PDGFRL: variants seen among roughly 807,000 people sequenced by gnomAD.
PDGFRL encodes platelet derived growth factor receptor like.
PDGFRL carries 46 observed loss-of-function variants against 37.2 expected under a neutral mutation model. That is an observed-to-expected ratio of 1.24 (90% CI 0.98 to 1.58). PDGFRL has a LOEUF of 1.58. Among genes scored for constraint, PDGFRL ranks in the 40% most tolerant of loss-of-function variants. The pLI is 0.00. For missense variants in PDGFRL, 692 were observed against 467.6 expected (o/e 1.48, Z -4.43); for synonymous variants, 251 against 184.3 (o/e 1.36, Z -2.93).
At chr8:17,637,150 G>T (rs1375093811) in intron 5 of PDGFRL, among the ~76,000 whole-genome samples, 1 of 152,172 alleles carries the variant, frequency 6.6e-6, no homozygotes, top group East Asian at 1.9e-4. Flanking sequence ...CCAGTACTAT[G>T]TTGAATGCAA....
At chr8:17,610,043 T>G (rs910568191) in intron 2 of PDGFRL, among the ~76,000 whole-genome samples, 11 of 152,224 alleles carry the variant, frequency 7.2e-5, no homozygotes, top group Non-Finnish European at 1.6e-4. Context: ...GCCCCATGGC[T>G]GTTGCATTCA....
chr8:17,610,508 C>G (rs1294584133), intron 2 of PDGFRL, among the ~76,000 whole-genome samples: 1 of 152,102 alleles, frequency 6.6e-6, no homozygotes, highest in Non-Finnish European at 1.5e-5. Context: ...AAGTCCAAAC[C>G]CCTCTGGTTC....
chr8:17,591,396 G>A (rs1001520366), intron 2 of PDGFRL, among the ~76,000 whole-genome samples: 1 of 152,164 alleles, frequency 6.6e-6, no homozygotes, highest in East Asian at 1.9e-4. Flanking sequence ...CTGAGCATGG[G>A]CTCTGCGTCA....
chr8:17,606,541 G>C (rs939257920), intron 2 of PDGFRL, among the ~76,000 whole-genome samples: 3 of 152,164 alleles, frequency 2.0e-5, no homozygotes, highest in African/African-American at 7.2e-5. Flanking sequence ...GCTGAAGGTA[G>C]AGCGTTCTCT....
chr8:17,582,598 A>C (rs956444742), intron 1 of PDGFRL, among the ~76,000 whole-genome samples: 4 of 148,042 alleles, frequency 2.7e-5, no homozygotes, highest in Admixed American at 6.7e-5. Flanking sequence ...AAAAAAAAAA[A>C]AACTTAGGCT....
intron 1 of PDGFRL, among the ~76,000 whole-genome samples, chr8:17,587,313 A>G (rs564725017): frequency 2.0e-5 from 3 of 152,318 alleles, no homozygotes; most frequent in Admixed American, 6.5e-5. Context: ...CCTGAGTAAC[A>G]TAGATACACA....
At position 17,591,664 on chromosome 8, in the gene PDGFRL, C is replaced by G. The variant is rs879899323; in HGVS notation, c.353+1899C>G. Among the ~76,000 whole-genome samples, 111 of 152,256 alleles carry G rather than the reference C, an allele frequency of 7.3e-4. 2 individuals are homozygous for G. Among genetic ancestry groups the G allele is most frequent in the Admixed American group, 6.3e-3 (96 of 15,302 alleles). On this transcript the variant is annotated intron_variant, in intron 2 of 5. Coordinates refer to ENST00000251630, the MANE Select transcript of PDGFRL (RefSeq NM_001372073.1). ...GGCACGGTGGCTCACGCCTGTAATC[C>G]CAGCACTTTGGGAGGCCAAGGCGGG...
chr8:17,582,818 T>C (rs1803735290), intron 1 of PDGFRL, among the ~76,000 whole-genome samples: 1 of 152,062 alleles, frequency 6.6e-6, no homozygotes, highest in Non-Finnish European at 1.5e-5. Context: ...TATAGCCATT[T>C]TGGAAATCTT....
intron 5 of PDGFRL, among the ~76,000 whole-genome samples, chr8:17,638,769 ATATATATATATATATAT>A (rs1217472355): frequency 3.0e-4 from 32 of 105,998 alleles, no homozygotes; most frequent in South Asian, 1.7e-3. Context: ...ATATATATAT[ATATATATATATATATAT>A]AATTGTGATA....
rs1554556556 is a variant in PDGFRL, at chr8:17,641,901, G to GCCCCCCCCCC, written c.940-710_940-709insCCCCCCCCCC. Among the ~76,000 whole-genome samples, 36 of 116,288 alleles carry GCCCCCCCCCC rather than the reference G, an allele frequency of 3.1e-4. 1 individual carries two copies. The highest frequency in any genetic ancestry group is 1.7e-3 in the South Asian group (6 of 3,456). 76.3% of individuals were successfully genotyped at this position (116,288 alleles called of 152,430 possible). On this transcript the variant is annotated intron_variant, in intron 5 of 5. Coordinates refer to ENST00000251630, the MANE Select transcript of PDGFRL (RefSeq NM_001372073.1). ...TTGATGATTTTCAATAGAGGTCCCC[G>GCCCCCCCCCC]CCACATTGCTATTTGGTATTTTATG... is the stretch of plus-strand genomic sequence containing the variant.
At position 17,621,209 on chromosome 8, in the gene PDGFRL, T is replaced by G. The variant is rs374350801; in HGVS notation, c.505+7T>G. The G allele has an allele frequency of 1.9e-6, 3 of 1,595,366 alleles. No homozygotes were observed. The African/African-American group carries it at 4.0e-5, about 21-fold the overall frequency. ...ACCTACATCTTTTTTACAGGTAAAATACTTGGTGCATTAATGGAACTCTTC... is the reference window on the plus strand; with the variant it reads ...ACCTACATCTTTTTTACAGGTAAAAGACTTGGTGCATTAATGGAACTCTTC... On this transcript the variant is annotated splice_region_variant and intron_variant, in intron 3 of 5. Transcript: ENST00000251630.
intron 1 of PDGFRL, among the ~76,000 whole-genome samples, chr8:17,582,980 A>T (rs1370476783): frequency 6.6e-6 from 1 of 152,124 alleles, no homozygotes. Flanking sequence ...AAAAGGTCCC[A>T]GGTGTGGTTC....
chr8:17,593,813 G>C (rs1325544680), intron 2 of PDGFRL, among the ~76,000 whole-genome samples: 1 of 151,914 alleles, frequency 6.6e-6, no homozygotes, highest in Non-Finnish European at 1.5e-5. Flanking sequence ...GCTTGAACCT[G>C]GGAGGCGGAG....
intron 2 of PDGFRL, 89 bp downstream of exon 2, chr8:17,589,854 G>C: frequency 2.6e-6 from 2 of 777,000 alleles, no homozygotes; most frequent in South Asian, 1.8e-5. Flanking sequence ...CATTGTTTCT[G>C]ACATGTTCCA....
At chr8:17,621,263 G>A in intron 3 of PDGFRL, 61 bp downstream of exon 3, 1 of 1,221,314 alleles carries the variant, frequency 8.2e-7, no homozygotes, top group Non-Finnish European at 1.2e-6. Flanking sequence ...GAGAGCTGAA[G>A]GTTCCCCCAC....
chr8:17,628,324 A>G (rs2237838), intron 3 of PDGFRL, among the ~76,000 whole-genome samples, 163 bp from the exon 4 acceptor site: 79,532 of 151,882 alleles, frequency 0.52, 22,244 homozygotes, highest in East Asian at 0.68. Flanking sequence ...CAGGAAGTTA[A>G]ATCATTCTTC....
chr8:17,593,088 A>G (rs940138478), intron 2 of PDGFRL, among the ~76,000 whole-genome samples: 9 of 152,178 alleles, frequency 5.9e-5, no homozygotes, highest in African/African-American at 2.2e-4. Context: ...AGCATTGTGG[A>G]TATAACAGGA....
chr8:17,591,216 C>G (rs1803932206), intron 2 of PDGFRL, among the ~76,000 whole-genome samples: 3 of 152,282 alleles, frequency 2.0e-5, no homozygotes, highest in East Asian at 1.9e-4. Flanking sequence ...AAGTCTATGA[C>G]TGTTACAGTC....
intron 2 of PDGFRL, among the ~76,000 whole-genome samples, chr8:17,619,333 T>C (rs1433027313): frequency 6.6e-6 from 1 of 152,222 alleles, no homozygotes; most frequent in Non-Finnish European, 1.5e-5. Context: ...ATAGAATTAA[T>C]TACCATTGAA....
Sources: allele counts gnomAD v4.1 joint callset (sites outside exome capture counted in the v4.1 genomes callset), GRCh38; gene constraint gnomAD v4.1.1; transcripts MANE v1.5; gene names NCBI Gene and HGNC (gene_info 2026-07-23, HGNC 2026-07-21).